SIPA1L3: variants seen among roughly 807,000 people sequenced by gnomAD.
SIPA1L3 encodes the protein signal-induced proliferation-associated 1-like protein 3.
A neutral mutation model predicts 150.1 loss-of-function variants in SIPA1L3; 59 were observed. The observed-to-expected ratio is 0.39, with a 90% CI of 0.32 to 0.49. The LOEUF (loss-of-function observed/expected upper bound fraction) is 0.49, where lower values mean the gene tolerates loss of function less well. Ranked by LOEUF, SIPA1L3 falls within the 20% of genes least tolerant of loss-of-function variation. The pLI, the probability that SIPA1L3 is intolerant of heterozygous loss-of-function variation, is 0.86. For missense variants in SIPA1L3, 2,211 were observed against 2,489.5 expected (o/e 0.89, Z 2.38); for synonymous variants, 1,070 against 1,077.6 (o/e 0.99, Z 0.14).
At chr19:37,908,859 C>T (rs753049640) in intron 1 of SIPA1L3, among the ~76,000 whole-genome samples, 7 of 152,146 alleles carry the variant, frequency 4.6e-5, no homozygotes, top group African/African-American at 1.7e-4. Flanking sequence ...TAATTATTGT[C>T]CTGGTGCTGC....
At chr19:38,034,148 C>G (rs1968723941) in intron 2 of SIPA1L3, among the ~76,000 whole-genome samples, 1 of 152,040 alleles carries the variant, frequency 6.6e-6, no homozygotes, top group Non-Finnish European at 1.5e-5. Context: ...AGGAAGGTGG[C>G]AAATGTTATT....
intron 15 of SIPA1L3, among the ~76,000 whole-genome samples, chr19:38,171,375 C>T (rs1318340718): frequency 6.7e-6 from 1 of 149,644 alleles, no homozygotes; most frequent in Non-Finnish European, 1.5e-5. Context: ...TCTCTATCCC[C>T]CTACCAAAAC....
chr19:38,103,900 T>TAA (rs1970563393), intron 6 of SIPA1L3, among the ~76,000 whole-genome samples: 1 of 30,136 alleles, frequency 3.3e-5, no homozygotes, highest in African/African-American at 2.1e-4. Flanking sequence ...AGACTCCATA[T>TAA]CAAAAAAAAA....
chr19:38,197,129 C>A (rs529134663), intron 18 of SIPA1L3, among the ~76,000 whole-genome samples: 1 of 152,090 alleles, frequency 6.6e-6, no homozygotes, highest in Non-Finnish European at 1.5e-5. Flanking sequence ...TGTCACCCCC[C>A]GCCTCCGCCA....
At chr19:38,023,021 T>G (rs1467346075) in intron 1 of SIPA1L3, among the ~76,000 whole-genome samples, 1 of 152,194 alleles carries the variant, frequency 6.6e-6, no homozygotes, top group Non-Finnish European at 1.5e-5. Context: ...ACATTTGGTG[T>G]TGTCAGCCTG....
intron 1 of SIPA1L3, among the ~76,000 whole-genome samples, chr19:37,913,367 C>T (rs1007282687): frequency 1.3e-5 from 2 of 152,098 alleles, no homozygotes; most frequent in African/African-American, 2.4e-5. Context: ...GGTTTACATT[C>T]TAGCCATTCT....
At chr19:38,201,802 C>T in intron 19 of SIPA1L3, 60 bp from the exon 20 acceptor site, 2 of 1,536,270 alleles carry the variant, frequency 1.3e-6, no homozygotes, top group Non-Finnish European at 1.8e-6. Context: ...CGTGGTCCGT[C>T]TGTTGCGGGA....
Position 38,201,887 on chromosome 19 carries a change from T to C in SIPA1L3, c.5010T>C (p.Ser1670=). The part of the protein sequence containing the change: ...YEVQRAVSLF[S]LNDPALSPDI... ...TGCAAAGAGCCGTCTCACTCTTCTC[T>C]CTGAACGACCCGGCCCTGAGCCCGG... The change falls in exon 20 of 22, where the codon TCT becomes TCC. Residue 1670 remains serine (S), a synonymous_variant. Coordinates refer to ENST00000222345, the MANE Select transcript of SIPA1L3 (RefSeq NM_015073.3). The C allele has an allele frequency of 6.2e-7, 1 of 1,613,202 alleles. No homozygotes were observed. Among genetic ancestry groups the C allele is most frequent in the Non-Finnish European group, 8.5e-7 (1 of 1,179,602 alleles).
At chr19:37,959,746 A>G (rs1160059527) in intron 1 of SIPA1L3, among the ~76,000 whole-genome samples, 1 of 133,384 alleles carries the variant, frequency 7.5e-6, no homozygotes, top group African/African-American at 2.8e-5. Flanking sequence ...TTCTCCCTTT[A>G]TTGCCGTCTT....
At chr19:38,145,393 T>C (rs1971680728) in intron 12 of SIPA1L3, among the ~76,000 whole-genome samples, 1 of 151,878 alleles carries the variant, frequency 6.6e-6, no homozygotes, top group African/African-American at 2.4e-5. Flanking sequence ...ATTAGCTGGG[T>C]GTGGTGGCAC....
intron 16 of SIPA1L3, among the ~76,000 whole-genome samples, chr19:38,187,648 G>A (rs1972713186): frequency 6.7e-6 from 1 of 149,624 alleles, no homozygotes; most frequent in African/African-American, 2.5e-5. Context: ...ACCCCAGGGG[G>A]CGGAGCCTGC....
intron 2 of SIPA1L3, among the ~76,000 whole-genome samples, chr19:38,075,080 C>A (rs1390619743): frequency 2.0e-5 from 3 of 152,206 alleles, no homozygotes; most frequent in Non-Finnish European, 4.4e-5. Context: ...GCATTTTACC[C>A]TTGAACAACA....
At chr19:38,126,605 C>G (rs1248177870) in intron 9 of SIPA1L3, among the ~76,000 whole-genome samples, 1 of 151,798 alleles carries the variant, frequency 6.6e-6, no homozygotes, top group East Asian at 1.9e-4. Context: ...GGTGCAATCT[C>G]AGCTCACTGC....
At chr19:38,088,420 T>C (rs978513410) in intron 3 of SIPA1L3, among the ~76,000 whole-genome samples, 1 of 152,258 alleles carries the variant, frequency 6.6e-6, no homozygotes, top group African/African-American at 2.4e-5. Context: ...ATTTGTAGCT[T>C]CATTTTTGCC....
intron 1 of SIPA1L3, among the ~76,000 whole-genome samples, chr19:38,005,311 C>T (rs1967914562): frequency 6.6e-6 from 1 of 152,154 alleles, no homozygotes; most frequent in Non-Finnish European, 1.5e-5. Flanking sequence ...TGTGGCCCCC[C>T]AGACCCTGCT....
chr19:38,196,512 GGAGGA>G (rs1190549676), intron 18 of SIPA1L3, among the ~76,000 whole-genome samples: 1 of 150,838 alleles, frequency 6.6e-6, no homozygotes, highest in East Asian at 2.0e-4. Flanking sequence ...GGAGGTCAAG[GGAGGA>G]GCATGGAGGT....
At chr19:38,040,502 T>C (rs1423127661) in intron 2 of SIPA1L3, among the ~76,000 whole-genome samples, 1 of 152,188 alleles carries the variant, frequency 6.6e-6, no homozygotes, top group Non-Finnish European at 1.5e-5. Flanking sequence ...CGTGAACATA[T>C]AAAAGTGGTT....
chr19:38,137,948 T>A (rs1971472946), intron 10 of SIPA1L3, among the ~76,000 whole-genome samples: 1 of 152,028 alleles, frequency 6.6e-6, no homozygotes, highest in Non-Finnish European at 1.5e-5. Context: ...CTGGCCAACA[T>A]GGTGAAACCC....
At chr19:37,945,690 G>A (rs2046704621) in intron 1 of SIPA1L3, among the ~76,000 whole-genome samples, 1 of 152,114 alleles carries the variant, frequency 6.6e-6, no homozygotes, top group Admixed American at 6.6e-5. Context: ...CTTTTTAATG[G>A]CTACATAGCA....
Sources: gnomAD v4.1 joint callset for allele counts (sites outside exome capture counted in the v4.1 genomes callset) on GRCh38, gnomAD v4.1.1 for gene constraint, MANE v1.5 for transcripts, NCBI Gene and HGNC (gene_info 2026-07-23, HGNC 2026-07-21) for gene names.